LIN9: variants seen among roughly 807,000 people sequenced by gnomAD.
LIN9 encodes lin-9 DREAM MuvB core complex component, also known as protein lin-9 homolog.
In LIN9, 18 loss-of-function variants were observed where a neutral mutation model predicts 78.0. That is an observed-to-expected ratio of 0.23 (90% CI 0.16 to 0.34). The LOEUF is 0.34. LIN9 is among the 10% of genes least tolerant of loss of function. The pLI is 1.00. For missense variants in LIN9, 451 were observed against 644.1 expected (o/e 0.70, Z 3.25); for synonymous variants, 192 against 215.2 (o/e 0.89, Z 0.94).
intron 11 of LIN9, among the ~76,000 whole-genome samples, chr1:226,246,334 T>C (rs1458037121): frequency 1.3e-5 from 2 of 152,202 alleles, no homozygotes; most frequent in Admixed American, 1.3e-4. Context: ...CCTGTGAAGA[T>C]GTCATTCCAT....
intron 6 of LIN9, among the ~76,000 whole-genome samples, chr1:226,279,005 C>T (rs923230877): frequency 6.1e-5 from 9 of 147,704 alleles, no homozygotes; most frequent in African/African-American, 1.5e-4. Context: ...AAAAAAACCA[C>T]AAAAAATTAG....
At chr1:226,297,078 C>A (rs148345678) in intron 3 of LIN9, among the ~76,000 whole-genome samples, 16 of 152,202 alleles carry the variant, frequency 1.1e-4, no homozygotes, top group Non-Finnish European at 2.2e-4. Flanking sequence ...TACACTGCCC[C>A]CCTTCCCTGA....
intron 12 of LIN9, 140 bp downstream of exon 12, chr1:226,238,831 G>T: frequency 2.8e-6 from 2 of 705,816 alleles, no homozygotes; most frequent in South Asian, 4.7e-5. Context: ...ATGCTGGGAG[G>T]AGTAAGAAAC....
chr1:226,304,849 C>T (rs1189215021), intron 1 of LIN9, among the ~76,000 whole-genome samples: 2 of 152,152 alleles, frequency 1.3e-5, no homozygotes, highest in East Asian at 3.8e-4. Context: ...AAATACAAAA[C>T]TGCAACTGTA....
chr1:226,289,449 A>T (rs1467850727), intron 4 of LIN9, among the ~76,000 whole-genome samples: 2 of 151,778 alleles, frequency 1.3e-5, no homozygotes, highest in African/African-American at 4.8e-5. Flanking sequence ...TACAGCCTTG[A>T]CCTCCTGGGC....
At chr1:226,258,508 A>G (rs951334622) in intron 10 of LIN9, among the ~76,000 whole-genome samples, 2 of 151,170 alleles carry the variant, frequency 1.3e-5, no homozygotes, top group African/African-American at 4.9e-5. Context: ...AGAATATGCC[A>G]TGCTAACACT....
At chr1:226,289,728 C>A (rs1488207231) in intron 4 of LIN9, among the ~76,000 whole-genome samples, 1 of 150,582 alleles carries the variant, frequency 6.6e-6, no homozygotes, top group Non-Finnish European at 1.5e-5. Flanking sequence ...TGAAAGTAAT[C>A]CCAAATACTT....
intron 1 of LIN9, among the ~76,000 whole-genome samples, chr1:226,304,364 T>TG (rs1423633434): frequency 1.3e-5 from 2 of 152,134 alleles, no homozygotes; most frequent in Middle Eastern, 3.4e-3. Context: ...CCATCTGATG[T>TG]GGAAAAAAAA....
chr1:226,309,553 C>T (rs1358449989), upstream of LIN9: 1 of 1,181,004 alleles, frequency 8.5e-7, no homozygotes, highest in African/African-American at 1.6e-5. Flanking sequence ...AGGGAGGCCC[C>T]GGCGGGGGGA....
At chr1:226,298,814 C>G (rs1043337959) in intron 2 of LIN9, among the ~76,000 whole-genome samples, 3 of 151,996 alleles carry the variant, frequency 2.0e-5, no homozygotes, top group African/African-American at 7.3e-5. Context: ...AAGCCAGGGT[C>G]AAAGCGAGCC....
intron 6 of LIN9, among the ~76,000 whole-genome samples, chr1:226,278,741 T>C (rs1219145963): frequency 1.3e-5 from 2 of 150,892 alleles, no homozygotes; most frequent in East Asian, 2.0e-4. Flanking sequence ...GGGGAATCGC[T>C]TGAACCCAGA....
intron 3 of LIN9, 129 bp downstream of exon 3, chr1:226,297,590 C>T (rs1662234966): frequency 2.0e-6 from 1 of 497,688 alleles, no homozygotes. Context: ...TCAAACAGTG[C>T]TTAATGACAC....
chr1:226,297,860 G>T, intron 2 of LIN9, 47 bp from the exon 3 acceptor site: 1 of 1,042,278 alleles, frequency 9.6e-7, no homozygotes, highest in Non-Finnish European at 1.4e-6. Flanking sequence ...TAGTTCAAAG[G>T]ATTTCATACC....
intron 1 of LIN9, among the ~76,000 whole-genome samples, chr1:226,302,947 T>C (rs1662655782): frequency 6.6e-6 from 1 of 151,948 alleles, no homozygotes; most frequent in African/African-American, 2.4e-5. Flanking sequence ...AACAGACACC[T>C]ATTAGCATTA....
At chr1:226,244,625 A>T (rs188142198) in intron 11 of LIN9, among the ~76,000 whole-genome samples, 10 of 152,320 alleles carry the variant, frequency 6.6e-5, no homozygotes, top group Non-Finnish European at 1.5e-4. Context: ...GTCTGTAAAA[A>T]TATGAGCTTA....
At chr1:226,241,103 G>A (rs1658079269) in intron 11 of LIN9, among the ~76,000 whole-genome samples, 1 of 152,112 alleles carries the variant, frequency 6.6e-6, no homozygotes, top group South Asian at 2.1e-4. Flanking sequence ...TTCCACATAG[G>A]CCTGGAATCA....
chr1:226,292,789 A>T (rs1207140515), intron 4 of LIN9, among the ~76,000 whole-genome samples: 2 of 152,118 alleles, frequency 1.3e-5, no homozygotes, highest in Non-Finnish European at 2.9e-5. Context: ...AGTCTATCTC[A>T]ACAAAGCTGG....
intron 1 of LIN9, among the ~76,000 whole-genome samples, chr1:226,305,392 C>A (rs1281620737): frequency 7.0e-6 from 1 of 143,642 alleles, no homozygotes; most frequent in Non-Finnish European, 1.5e-5. Flanking sequence ...ACTGGGGAGA[C>A]TGATGCCGGA....
chr1:226,258,099 G>A (rs1398952379), intron 10 of LIN9, among the ~76,000 whole-genome samples: 2 of 151,716 alleles, frequency 1.3e-5, no homozygotes, highest in African/African-American at 4.8e-5. Flanking sequence ...TGGGAGGATT[G>A]CTTAAGTCCA....
Sources: allele counts gnomAD v4.1 joint callset (sites outside exome capture counted in the v4.1 genomes callset), GRCh38; gene constraint gnomAD v4.1.1; transcripts MANE v1.5; gene names NCBI Gene and HGNC (gene_info 2026-07-23, HGNC 2026-07-21).